PKN3: variants seen among roughly 807,000 people sequenced by gnomAD.
PKN3 encodes protein kinase N3.
Under a neutral mutation model 113.1 loss-of-function variants are expected in PKN3, and 91 were observed. The ratio of observed to expected loss-of-function variants is 0.80; its 90% CI spans 0.68 to 0.96. The LOEUF (loss-of-function observed/expected upper bound fraction) is 0.96, where lower values mean the gene tolerates loss of function less well. PKN3 is among the 40% of genes least tolerant of loss of function. The pLI is 0.00. For missense variants in PKN3, 1,052 were observed against 1,202.2 expected, an observed-to-expected ratio of 0.88 and a Z score of 1.85; for synonymous variants, 467 against 499.0, an observed-to-expected ratio of 0.94 and a Z score of 0.85.
In PKN3 at chr9:128,718,521, TCCCTTTGATCTGCA is replaced by T. The variant is rs1862413134; in HGVS notation, c.2049-22_2049-9del. 1 of 1,608,020 alleles carries T rather than the reference TCCCTTTGATCTGCA, an allele frequency of 6.2e-7. No homozygotes were observed. The highest frequency in any genetic ancestry group is 1.3e-5 in the African/African-American group (1 of 74,774). ...TTCCCTGGGTCTAAGCCCCACTCAG[TCCCTTTGATCTGCA>T]CCCTTGCCCTCAGGGACCTGAAGTT... is the stretch of plus-strand genomic sequence containing the variant. On this transcript the variant is annotated splice_polypyrimidine_tract_variant and intron_variant, in intron 17 of 21. Coordinates refer to ENST00000291906, the MANE Select transcript of PKN3 (RefSeq NM_013355.5).
intron 6 of PKN3, among the ~76,000 whole-genome samples, chr9:128,708,340 C>T (rs984335753): frequency 5.9e-5 from 9 of 151,820 alleles, no homozygotes; most frequent in East Asian, 1.9e-4. Flanking sequence ...GAGATTGCGC[C>T]GCTGCACTTC....
chr9:128,709,487 C>T (rs1431363782), intron 6 of PKN3, among the ~76,000 whole-genome samples: 3 of 150,408 alleles, frequency 2.0e-5, no homozygotes, highest in Non-Finnish European at 4.4e-5. Flanking sequence ...CACGGCAGCT[C>T]ATGCCTGTAA....
Position 128,713,330 on chromosome 9 carries a change from C to T in PKN3, c.1035C>T (p.Gly345=). The T allele has an allele frequency of 1.2e-6, 2 of 1,614,120 alleles. No homozygotes were observed. Among genetic ancestry groups the T allele is most frequent in the Non-Finnish European group, 1.7e-6 (2 of 1,180,026 alleles). ...KVDNRVVGQT[G]WGQVAEQSWD... is the part of the protein sequence containing the mutation. ...ACAACCGTGTTGTGGGGCAGACGGG[C>T]TGGGGGCAGGTGGCCGAACAGTCCT... The change falls in exon 8 of 22, where the codon GGC becomes GGT. Residue 345 remains glycine (G), a synonymous_variant. Coordinates refer to ENST00000291906, the MANE Select transcript of PKN3 (RefSeq NM_013355.5).
chr9:128,710,559 T>C (rs1862146798), intron 6 of PKN3, among the ~76,000 whole-genome samples: 1 of 152,028 alleles, frequency 6.6e-6, no homozygotes, highest in South Asian at 2.1e-4. Flanking sequence ...TGGTGCGATA[T>C]CAGCTCACTG....
In PKN3 at chr9:128,718,558, G is replaced by A. The variant is rs151190775; in HGVS notation, c.2058G>A (p.Lys686=). The A allele has an allele frequency of 3.3e-5, 53 of 1,614,096 alleles. No homozygotes were observed. Among genetic ancestry groups the A allele is most frequent in the African/African-American group, 2.0e-4 (15 of 75,046 alleles). ...GCACCCTTGCCCTCAGGGACCTGAA[G>A]TTGGATAACCTTCTGCTGGATGCCC... ...HEKKIIYRDL[K]LDNLLLDAQG... The change falls in exon 18 of 22, where the codon AAG becomes AAA. Residue 686 remains lysine (K), a synonymous_variant. Coordinates refer to ENST00000291906, the MANE Select transcript of PKN3 (RefSeq NM_013355.5).
chr9:128,717,643 G>A (rs1235931451), intron 16 of PKN3, among the ~76,000 whole-genome samples: 7 of 150,544 alleles, frequency 4.6e-5, no homozygotes, highest in African/African-American at 1.5e-4. Context: ...CAGGAGAATC[G>A]CTTGAACCCA....
intron 16 of PKN3, among the ~76,000 whole-genome samples, chr9:128,717,485 C>G (rs945162292): frequency 6.6e-6 from 1 of 151,572 alleles, no homozygotes; most frequent in Admixed American, 6.6e-5. Flanking sequence ...GTAATCCCAG[C>G]ACTTTGGAGG....
Position 128,705,673 on chromosome 9 carries a change from G to T in PKN3, c.266-61G>T, listed in dbSNP as rs568435378. On this transcript the variant is annotated intron_variant, in intron 2 of 21. Coordinates refer to ENST00000291906, the MANE Select transcript of PKN3 (RefSeq NM_013355.5). ...TAGATCAGTAGGGGAAGGAGGAAAG[G>T]CCACAGTGGGGGTCTCGGCTCTGGG... 13 of 1,542,700 alleles carry T rather than the reference G, an allele frequency of 8.4e-6. No individual in the cohort carries two copies. In the African/African-American group the frequency reaches 1.5e-4, roughly 18 times the overall value.
At chr9:128,717,861 TA>T (rs67487928) in intron 16 of PKN3, among the ~76,000 whole-genome samples, 86,640 of 97,906 alleles carry the variant, frequency 0.88, 38,752 homozygotes, top group Non-Finnish European at 0.98. Flanking sequence ...CTATAAAAAC[TA>T]AAAAAAAAAA....
intron 5 of PKN3, 62 bp from the exon 6 acceptor site, chr9:128,707,160 C>G: frequency 6.3e-7 from 1 of 1,577,986 alleles, no homozygotes; most frequent in South Asian, 1.1e-5. Context: ...CTCCGGGTGA[C>G]CTGGGCTGCT....
chr9:128,716,764 G>A lies in PKN3; in HGVS notation c.1826G>A (p.Arg609Gln), dbSNP rs1263180945. ...TCCTGTAGCCTGTACTGCGAGAAGC[G>A]GATCCTGGAGGCTGTGGGCTGCACA... Reference protein sequence around the residue: ...DEIESLYCEKRILEAVGCTGH... With the variant: ...DEIESLYCEKQILEAVGCTGH... Residue 609 changes from arginine (R) to glutamine (Q), a missense_variant, in exon 16 of 22, where the codon CGG becomes CAG. This residue lies in a region of PKN3 where 333 missense variants were observed against 442.8 expected (regional missense o/e 0.75). Transcript: ENST00000291906. The A allele has an allele frequency of 8.1e-6, 13 of 1,613,854 alleles. No individual in the cohort carries two copies. Among genetic ancestry groups the A allele is most frequent in the Admixed American group, 1.7e-5 (1 of 59,996 alleles).
At chr9:128,712,126 G>T (rs1431094310) in intron 6 of PKN3, among the ~76,000 whole-genome samples, 4 of 151,956 alleles carry the variant, frequency 2.6e-5, no homozygotes, top group Non-Finnish European at 4.4e-5. Context: ...GTCAGGCTGG[G>T]CTTGAACTCC....
chr9:128,707,439 CT>C, intron 6 of PKN3, 34 bp downstream of exon 6: 1 of 1,552,600 alleles, frequency 6.4e-7, no homozygotes. Context: ...CAAAGCTCTC[CT>C]TCTTTTTGGG....
chr9:128,711,170 G>C (rs945080962), intron 6 of PKN3, among the ~76,000 whole-genome samples: 1 of 151,460 alleles, frequency 6.6e-6, no homozygotes, highest in Non-Finnish European at 1.5e-5. Flanking sequence ...CACACCTGGC[G>C]AATTTTTATA....
chr9:128,714,890 G>A, intron 13 of PKN3, 25 bp downstream of exon 13: 1 of 1,602,266 alleles, frequency 6.2e-7, no homozygotes, highest in Non-Finnish European at 8.6e-7. Context: ...GCACCTTCAT[G>A]TTTGAGACGT....
At position 128,707,238 on chromosome 9, in the gene PKN3, A is replaced by G. The variant is rs907786176; in HGVS notation, c.668A>G (p.Gln223Arg). The change falls in exon 6 of 22, where the codon CAG (glutamine) becomes CGG (arginine). Residue 223 changes from glutamine to arginine, a missense_variant. Around this residue, in one of 2 missense-constraint regions of PKN3, gnomAD observed 719 missense variants for 759.4 expected, o/e 0.95. Transcript: ENST00000291906. ...CCTCTGCAGGCCCAGGCCCAGCTAC[A>G]GGAGTCCTCTCAGAAACTGGACCTC... ...KALAEAQAQLQESSQKLDLLR... is the reference protein window; with the variant it reads ...KALAEAQAQLRESSQKLDLLR... The G allele has an allele frequency of 6.2e-7, 1 of 1,609,136 alleles. No homozygotes were observed. Among genetic ancestry groups the G allele is most frequent in the African/African-American group, 1.3e-5 (1 of 74,840 alleles).
In PKN3 at chr9:128,714,270, GC is replaced by G; in HGVS notation, c.1392del (p.Cys465AlafsTer43). The G allele has an allele frequency of 1.2e-6, 2 of 1,613,734 alleles. No homozygotes were observed. The highest frequency in any genetic ancestry group is 1.7e-6 in the Non-Finnish European group (2 of 1,179,862). On this transcript the variant is annotated frameshift_variant, in exon 11 of 22. Transcript: ENST00000291906. LOFTEE classifies it high-confidence loss of function. ...GGGGGCGCCTCGTCATGAACCTGCTGCCCCCCTGCAGCTCCCCGAGCACAAT... is the reference window on the plus strand; with the variant it reads ...GGGGGCGCCTCGTCATGAACCTGCTGCCCCCTGCAGCTCCCCGAGCACAAT... ...AWGRLVMNLL[P>X]PCSSPSTISP...
intron 6 of PKN3, among the ~76,000 whole-genome samples, chr9:128,707,874 C>T (rs925263367): frequency 6.6e-6 from 1 of 151,472 alleles, no homozygotes; most frequent in African/African-American, 2.4e-5. Flanking sequence ...AGTTCCAAGA[C>T]CAGCCTGGCC....
intron 6 of PKN3, among the ~76,000 whole-genome samples, chr9:128,709,313 C>G (rs2132298787): frequency 6.7e-6 from 1 of 148,762 alleles, no homozygotes; most frequent in South Asian, 2.2e-4. Context: ...AAAAAATTAG[C>G]CAGGTATGAT....
Sources: allele counts gnomAD v4.1 joint callset (sites outside exome capture counted in the v4.1 genomes callset), GRCh38; gene constraint gnomAD v4.1.1; regional missense constraint gnomAD v4.1.1; transcripts MANE v1.5; gene names NCBI Gene and HGNC (gene_info 2026-07-23, HGNC 2026-07-21).